ARHGEF7: variants seen among roughly 807,000 people sequenced by gnomAD.
The protein encoded by ARHGEF7 is Rho guanine nucleotide exchange factor 7, also known as PAK-interacting exchange factor beta.
A neutral mutation model predicts 109.8 loss-of-function variants in ARHGEF7; 33 were observed. That is an observed-to-expected ratio of 0.30 (90% CI 0.23 to 0.40). The LOEUF (loss-of-function observed/expected upper bound fraction) is 0.40. ARHGEF7 is among the 10% of genes least tolerant of loss of function. ARHGEF7 has a pLI of 1.00. For missense variants in ARHGEF7, 938 were observed against 1,098.5 expected, an observed-to-expected ratio of 0.85 and a Z score of 2.07; for synonymous variants, 458 against 424.6, an observed-to-expected ratio of 1.08 and a Z score of -0.97.
chr13:111,192,441 A>G (rs975716648), intron 2 of ARHGEF7, among the ~76,000 whole-genome samples: 3 of 152,206 alleles, frequency 2.0e-5, no homozygotes, highest in South Asian at 2.1e-4. Flanking sequence ...CAAAGAAGTT[A>G]TATCTTTGAC....
At position 111,255,680 on chromosome 13, in the gene ARHGEF7, A is replaced by G. The variant is rs936335271; in HGVS notation, c.950+11386A>G. 1.3e-5 allele frequency among the ~76,000 whole-genome samples: 2 copies of G among 152,262 alleles called. No homozygotes were observed. Among genetic ancestry groups the G allele is most frequent in the African/African-American group, 2.4e-5 (1 of 41,478 alleles). ...TGTTCGTGAAAGAAGATCTGTTTTC[A>G]GTCACATTGGTGAGGGACTTTTTTC... On this transcript the variant is annotated intron_variant, in intron 8 of 21. Transcript: ENST00000646102. This position sits in a 1 kb window ranked among gnomAD's most constrained non-coding sequence, Gnocchi z 4.1.
rs771955512 is a variant in ARHGEF7 at position 111,303,265 on chromosome 13, G to T, written c.*152G>T. On this transcript the variant is annotated 3_prime_UTR_variant, in exon 22 of 22. Coordinates refer to ENST00000646102, the MANE Select transcript of ARHGEF7 (RefSeq NM_001354046.2). ...ATAGAAAAGCTGGAGCTTATTCTGC[G>T]AATGGAGACGATCAAACCATGACTG... The T allele has an allele frequency of 2.9e-6, 2 of 681,354 alleles. No individual in the cohort carries two copies. Among genetic ancestry groups the T allele is most frequent in the Non-Finnish European group, 4.7e-6 (2 of 428,240 alleles). 42.2% of individuals were successfully genotyped at this position (681,354 alleles called of 1,614,324 possible). A position where few individuals can be genotyped will look rare whatever the true frequency, so the allele number is the denominator to read the frequency against.
chr13:111,204,617 G>A (rs2081563511), intron 2 of ARHGEF7, among the ~76,000 whole-genome samples: 1 of 151,986 alleles, frequency 6.6e-6, no homozygotes, highest in South Asian at 2.1e-4. Context: ...GTGGTGGGAA[G>A]TGCCTGCCAG....
chr13:111,210,962 T>A (rs1370018509), intron 4 of ARHGEF7, among the ~76,000 whole-genome samples: 1 of 151,970 alleles, frequency 6.6e-6, no homozygotes, highest in African/African-American at 2.4e-5. Context: ...TAGAGGGAAA[T>A]AAATTACAGT....
intron 1 of ARHGEF7, among the ~76,000 whole-genome samples, chr13:111,125,046 C>T (rs561260921): frequency 1.3e-5 from 2 of 152,306 alleles, no homozygotes; most frequent in African/African-American, 4.8e-5. Flanking sequence ...AGGTGTGAGC[C>T]AGTGCGCCCA....
intron 20 of ARHGEF7, 44 bp downstream of exon 20, chr13:111,300,891 C>A: frequency 7.5e-7 from 1 of 1,340,252 alleles, no homozygotes; most frequent in Non-Finnish European, 1.1e-6. Context: ...TTGACCTCTG[C>A]GGTGGGGTAG....
At chr13:111,168,201 G>A (rs181161148) in intron 2 of ARHGEF7, among the ~76,000 whole-genome samples, 1 of 152,236 alleles carries the variant, frequency 6.6e-6, no homozygotes. Context: ...GAAGGTGCTA[G>A]CCCTCCCCTG....
At chr13:111,147,308 C>T (rs987541329) in intron 1 of ARHGEF7, among the ~76,000 whole-genome samples, 5 of 152,202 alleles carry the variant, frequency 3.3e-5, no homozygotes, top group Non-Finnish European at 7.3e-5. Context: ...TCCCATTAGT[C>T]GTGTCTGGGA....
chr13:111,201,092 G>A (rs994151740), intron 2 of ARHGEF7, among the ~76,000 whole-genome samples: 1 of 152,130 alleles, frequency 6.6e-6, no homozygotes, highest in Non-Finnish European at 1.5e-5. Flanking sequence ...TTGATCCCCA[G>A]GCTTGTTGGC....
intron 18 of ARHGEF7, among the ~76,000 whole-genome samples, chr13:111,290,410 C>T (rs2093227505): frequency 6.6e-6 from 1 of 152,182 alleles, no homozygotes. Context: ...AGAAATGACT[C>T]AAAGTATATG....
chr13:111,281,181 C>CTTTTTTTTTTTTTTTTTTTTTTTT (rs11403258), intron 15 of ARHGEF7: 5 of 59,444 alleles, frequency 8.4e-5, no homozygotes, highest in Non-Finnish European at 1.5e-4. Context: ...TATTTAGAGA[C>CTTTTTTTTTTTTTTTTTTTTTTTT]TTTTTTTTTT....
At position 111,221,331 on chromosome 13, in the gene ARHGEF7, C is replaced by CTATATATATCTA. The variant is rs1566870719; in HGVS notation, c.670+3459_670+3470dup. On this transcript the variant is annotated intron_variant, in intron 5 of 21. Transcript: ENST00000646102. ...TATATCTATATATAGATATATATGT[C>CTATATATATCTA]TATATATATCTATATATATGTCTAT... 2.1e-3 allele frequency among the ~76,000 whole-genome samples: 15 copies of CTATATATATCTA among 7,312 alleles called. 6 individuals carry two copies. The highest frequency in any genetic ancestry group is 3.1e-3 in the Non-Finnish European group (12 of 3,922). The allele number at this position is 7,312 out of a possible 152,430, so 4.8% of individuals were successfully genotyped here.
At chr13:111,179,185 T>C (rs1164133249) in intron 2 of ARHGEF7, among the ~76,000 whole-genome samples, 1 of 152,072 alleles carries the variant, frequency 6.6e-6, no homozygotes, top group Non-Finnish European at 1.5e-5. Context: ...TTCAAGCGAT[T>C]CTCGTGCCTC....
intron 1 of ARHGEF7, among the ~76,000 whole-genome samples, chr13:111,141,141 G>A (rs962640840): frequency 3.3e-5 from 5 of 152,128 alleles, no homozygotes; most frequent in Non-Finnish European, 5.9e-5. Context: ...TTGATAAGAT[G>A]ATACTGATAC....
chr13:111,243,809 A>C, intron 6 of ARHGEF7, 63 bp from the exon 7 acceptor site: 3 of 1,083,120 alleles, frequency 2.8e-6, no homozygotes, highest in Non-Finnish European at 4.1e-6. Context: ...TCCAAAGTGT[A>C]TAAATCTTAG....
rs1326279514 is a variant in ARHGEF7, at chr13:111,255,178, C to T, written c.950+10884C>T. ...GAGGATTCGGGCTAAGGCGCTGAGT[C>T]GCTAACGTGAAGGCCGGGCTCAGAA... On this transcript the variant is annotated intron_variant, in intron 8 of 21. Transcript: ENST00000646102. This position sits in a 1 kb window ranked among gnomAD's most constrained non-coding sequence, Gnocchi z 4.1. Among the ~76,000 whole-genome samples, 1 of 150,100 alleles carries T rather than the reference C, an allele frequency of 6.7e-6. No individual in the cohort carries two copies. The highest frequency in any genetic ancestry group is 1.5e-5 in the Non-Finnish European group (1 of 67,646).
chr13:111,159,076 T>C, intron 2 of ARHGEF7: 1 of 718,474 alleles, frequency 1.4e-6, no homozygotes. Flanking sequence ...ACCACCATTC[T>C]CTTGTCTGCT....
chr13:111,249,996 C>G (rs189499859), intron 8 of ARHGEF7, among the ~76,000 whole-genome samples: 197 of 152,304 alleles, frequency 1.3e-3, no homozygotes, highest in Middle Eastern at 3.4e-3. Context: ...TAGGCAGTTA[C>G]TTTCTATATG....
intron 2 of ARHGEF7, chr13:111,203,103 C>G: frequency 7.8e-7 from 1 of 1,282,074 alleles, no homozygotes; most frequent in Non-Finnish European, 1.0e-6. Flanking sequence ...GACTTGCTGC[C>G]TTGCCACTAT....
Sources: allele counts gnomAD v4.1 joint callset (sites outside exome capture counted in the v4.1 genomes callset), GRCh38; gene constraint gnomAD v4.1.1; non-coding constraint Gnocchi (gnomAD v3.1); transcripts MANE v1.5; gene names NCBI Gene and HGNC (gene_info 2026-07-23, HGNC 2026-07-21).